Variants in TEAD1 observed in about 807,000 individuals in gnomAD.
TEAD1 encodes transcriptional enhancer factor TEF-1.
In TEAD1, 9 loss-of-function variants were observed where a neutral mutation model predicts 54.9. That is an observed-to-expected ratio of 0.16 (90% confidence interval 0.10 to 0.29). The LOEUF is 0.29. TEAD1 is among the 10% of genes least tolerant of loss of function. TEAD1 has a pLI of 1.00. For missense variants in TEAD1, 387 were observed against 535.9 expected (o/e 0.72, Z 2.74); for synonymous variants, 200 against 187.8 (o/e 1.07, Z -0.53).
chr11:12,864,346 A>G (rs1947569986), intron 4 of TEAD1, among the ~76,000 whole-genome samples: 1 of 152,190 alleles, frequency 6.6e-6, no homozygotes, highest in South Asian at 2.1e-4. Context: ...TTTAGAATGA[A>G]AACAGCCCCT....
intron 2 of TEAD1, among the ~76,000 whole-genome samples, chr11:12,756,880 C>G (rs1021929782): frequency 6.6e-6 from 1 of 152,316 alleles, no homozygotes; most frequent in Non-Finnish European, 1.5e-5. Flanking sequence ...TGCCTGACAC[C>G]TAGTTCTGGG....
chr11:12,759,491 C>T (rs1467966395), intron 2 of TEAD1, among the ~76,000 whole-genome samples: 1 of 151,940 alleles, frequency 6.6e-6, no homozygotes, highest in Non-Finnish European at 1.5e-5. Flanking sequence ...GGAAAAAGTT[C>T]AGGAATAAAG....
At chr11:12,799,872 T>A (rs1946013862) in intron 3 of TEAD1, among the ~76,000 whole-genome samples, 1 of 152,200 alleles carries the variant, frequency 6.6e-6, no homozygotes, top group South Asian at 2.1e-4. Flanking sequence ...CAAGCCTGTA[T>A]GGTAGAAGAT....
intron 9 of TEAD1, among the ~76,000 whole-genome samples, chr11:12,885,860 G>A (rs1409136394): frequency 2.0e-5 from 3 of 152,164 alleles, no homozygotes; most frequent in African/African-American, 4.8e-5. Context: ...GCAAACATTC[G>A]TGTGCACCTG....
At chr11:12,869,213 G>A (rs1263019558) in intron 5 of TEAD1, among the ~76,000 whole-genome samples, 1 of 152,144 alleles carries the variant, frequency 6.6e-6, no homozygotes, top group African/African-American at 2.4e-5. Flanking sequence ...CGCCAGCCAG[G>A]TTTTGCAGGA....
chr11:12,860,345 GA>G (rs1311857465), intron 3 of TEAD1, among the ~76,000 whole-genome samples: 1 of 152,166 alleles, frequency 6.6e-6, no homozygotes, highest in African/African-American at 2.4e-5. Flanking sequence ...GGACTTTCAG[GA>G]ATGCGAATGG....
chr11:12,861,282 G>T (rs1669907051), intron 3 of TEAD1, among the ~76,000 whole-genome samples: 1 of 152,168 alleles, frequency 6.6e-6, no homozygotes, highest in African/African-American at 2.4e-5. Context: ...AAGTCAGGTT[G>T]TCTGAGACTT....
chr11:12,822,694 A>G (rs1334220104), intron 3 of TEAD1: 1 of 152,248 alleles, frequency 6.6e-6, no homozygotes, highest in South Asian at 2.1e-4. Flanking sequence ...TTCCCTAGTC[A>G]TGCAGCTCAC....
intron 2 of TEAD1, among the ~76,000 whole-genome samples, chr11:12,751,193 T>C (rs2133906637): frequency 6.6e-6 from 1 of 151,758 alleles, no homozygotes; most frequent in East Asian, 1.9e-4. Flanking sequence ...TCCCAGCTAC[T>C]TGGGAGGCTG....
intron 12 of TEAD1, among the ~76,000 whole-genome samples, chr11:12,935,206 C>T (rs889111899): frequency 6.6e-6 from 1 of 152,088 alleles, no homozygotes; most frequent in Non-Finnish European, 1.5e-5. Context: ...CTAGTTCAGG[C>T]GGAAGCTGAG....
intron 3 of TEAD1, among the ~76,000 whole-genome samples, chr11:12,802,800 C>G (rs961363229): frequency 6.6e-6 from 1 of 152,196 alleles, no homozygotes; most frequent in South Asian, 2.1e-4. Context: ...CTGCTTGCCC[C>G]GAGCCCTTTG....
intron 2 of TEAD1, among the ~76,000 whole-genome samples, chr11:12,761,908 C>CAGTT (rs977492440): frequency 6.6e-6 from 1 of 152,062 alleles, no homozygotes; most frequent in Non-Finnish European, 1.5e-5. Flanking sequence ...AGACTGTGAC[C>CAGTT]AGTTGAGTAG....
At chr11:12,877,066 G>A (rs1250466965) in intron 5 of TEAD1, among the ~76,000 whole-genome samples, 3 of 152,146 alleles carry the variant, frequency 2.0e-5, no homozygotes, top group South Asian at 2.1e-4. Flanking sequence ...AAAAAGGTTA[G>A]TTGAGGAAGC....
chr11:12,861,302 C>A (rs1180473560), intron 3 of TEAD1, among the ~76,000 whole-genome samples: 1 of 152,128 alleles, frequency 6.6e-6, no homozygotes, highest in Non-Finnish European at 1.5e-5. Context: ...TCTCAGTTTC[C>A]TGGTGGGATA....
intron 10 of TEAD1, among the ~76,000 whole-genome samples, chr11:12,913,361 G>GCA (rs1274558996): frequency 6.6e-6 from 1 of 152,200 alleles, no homozygotes; most frequent in Non-Finnish European, 1.5e-5. Context: ...GATCCTCCTT[G>GCA]CACACATACA....
chr11:12,789,313 C>T (rs539569025), intron 3 of TEAD1, among the ~76,000 whole-genome samples: 1 of 152,292 alleles, frequency 6.6e-6, no homozygotes, highest in African/African-American at 2.4e-5. Flanking sequence ...AAGCTCTCAG[C>T]ACATAGTGAC....
intron 2 of TEAD1, among the ~76,000 whole-genome samples, chr11:12,714,040 C>T (rs776195608): frequency 2.0e-5 from 3 of 152,164 alleles, no homozygotes; most frequent in East Asian, 1.9e-4. Flanking sequence ...GGTCAGGGAT[C>T]CCAGTGGAAG....
intron 7 of TEAD1, 99 bp from the exon 8 acceptor site, chr11:12,881,797 G>T: frequency 8.0e-7 from 1 of 1,255,374 alleles, no homozygotes; most frequent in Non-Finnish European, 1.2e-6. Context: ...GACCACAGCG[G>T]TGAAGGACCT....
In TEAD1 at chr11:12,778,916, C is replaced by T. The variant is rs1204082542; in HGVS notation, c.202+14482C>T. Reference sequence around the variant, plus strand: ...TAGGAGAATTAAGTCATTTGCAAGACCCCACTCCCCTGTTTACACTTTTCC... The same window carrying T: ...TAGGAGAATTAAGTCATTTGCAAGATCCCACTCCCCTGTTTACACTTTTCC... On this transcript the variant is annotated intron_variant, in intron 3 of 12. Coordinates refer to ENST00000527636, the MANE Select transcript of TEAD1 (RefSeq NM_021961.6). 2.0e-5 allele frequency among the ~76,000 whole-genome samples: 3 copies of T among 152,148 alleles called. No individual in the cohort carries two copies. In the East Asian group the frequency reaches 5.8e-4, roughly 29 times the overall value.
Sources: allele counts gnomAD v4.1 joint callset (sites outside exome capture counted in the v4.1 genomes callset), GRCh38; gene constraint gnomAD v4.1.1; transcripts MANE v1.5; gene names NCBI Gene and HGNC (gene_info 2026-07-23, HGNC 2026-07-21).